Variants in TFPI observed in about 807,000 individuals in gnomAD.
TFPI encodes the protein anti-convertin.
A neutral mutation model predicts 34.6 loss-of-function variants in TFPI; 15 were observed. That is an observed-to-expected ratio of 0.43 (90% CI 0.29 to 0.67). The LOEUF is 0.67. Ranked by LOEUF, TFPI falls within the 30% of genes least tolerant of loss-of-function variation. The probability of loss-of-function intolerance (pLI) is 0.15; values close to 1 mark genes in which losing one functional copy is unlikely to be tolerated. For missense variants in TFPI, 301 were observed against 364.0 expected (o/e 0.83, Z 1.41); for synonymous variants, 105 against 120.1 (o/e 0.87, Z 0.82).
At chr2:187,515,807 C>T (rs1686965676) in intron 1 of TFPI, 1 of 152,122 alleles carries the variant, frequency 6.6e-6, no homozygotes, top group African/African-American at 2.4e-5. Context: ...TAATGCTATT[C>T]TATACAAGGT....
chr2:187,503,871 A>C, intron 1 of TFPI, 101 bp from the exon 2 acceptor site: 1 of 1,257,950 alleles, frequency 7.9e-7, no homozygotes, highest in Non-Finnish European at 1.1e-6. Flanking sequence ...GCAAATTTCT[A>C]TGCCATTTTA....
chr2:187,551,976 G>A (rs1689112825), intron 1 of TFPI, among the ~76,000 whole-genome samples: 1 of 151,978 alleles, frequency 6.6e-6, no homozygotes, highest in African/African-American at 2.4e-5. Context: ...CTTAGATCAT[G>A]TCCACATAGA....
chr2:187,551,938 A>G (rs991107133), intron 1 of TFPI, among the ~76,000 whole-genome samples: 4 of 152,170 alleles, frequency 2.6e-5, no homozygotes, highest in Non-Finnish European at 4.4e-5. Flanking sequence ...CTTTATTGAG[A>G]ATAGATGAGT....
At chr2:187,547,143 G>A (rs1688908980) in intron 1 of TFPI, 1 of 152,090 alleles carries the variant, frequency 6.6e-6, no homozygotes, top group African/African-American at 2.4e-5. Flanking sequence ...ATGGCAAAAG[G>A]AGAGCAAAAT....
intron 3 of TFPI, among the ~76,000 whole-genome samples, chr2:187,490,949 G>T (rs191551623): frequency 2.0e-5 from 3 of 151,482 alleles, no homozygotes; most frequent in African/African-American, 7.3e-5. Context: ...TTACAGTCTA[G>T]TGCCAAGTAA....
At chr2:187,478,715 C>A in intron 6 of TFPI, 1 of 1,613,612 alleles carries the variant, frequency 6.2e-7, no homozygotes, top group South Asian at 1.1e-5. Flanking sequence ...CTAGAAAGAA[C>A]ATGGATGCAT....
chr2:187,507,131 T>C (rs1216085876), intron 1 of TFPI, among the ~76,000 whole-genome samples: 1 of 152,012 alleles, frequency 6.6e-6, no homozygotes, highest in East Asian at 1.9e-4. Context: ...ATTGCTCAAC[T>C]TCCACTTATG....
chr2:187,523,155 A>G (rs1028744947), intron 1 of TFPI, among the ~76,000 whole-genome samples: 1 of 152,092 alleles, frequency 6.6e-6, no homozygotes, highest in Non-Finnish European at 1.5e-5. Flanking sequence ...TTATATCTCA[A>G]TGAAGTTGTT....
At chr2:187,549,556 C>A (rs1689019816) in intron 1 of TFPI, among the ~76,000 whole-genome samples, 1 of 151,972 alleles carries the variant, frequency 6.6e-6, no homozygotes. Flanking sequence ...TCCTGAATAG[C>A]TATTGTTATT....
rs1402302854 is a variant in TFPI at position 187,464,408 on chromosome 2, G to A, written c.*2528C>T. 1 of 152,004 alleles carries A rather than the reference G, an allele frequency of 6.6e-6. No homozygotes were observed. Among genetic ancestry groups the A allele is most frequent in the Non-Finnish European group, 1.5e-5 (1 of 67,992 alleles). 9.4% of individuals were successfully genotyped at this position (152,004 alleles called of 1,614,324 possible). On this transcript the variant is annotated 3_prime_UTR_variant, in exon 8 of 8. Coordinates refer to ENST00000233156, the MANE Select transcript of TFPI (RefSeq NM_006287.6). ...TTCACAGTTAGATGCACTTAATTGTGGAAAATAAAGGAAGACAATAACATC... is the reference window on the plus strand; with the variant it reads ...TTCACAGTTAGATGCACTTAATTGTAGAAAATAAAGGAAGACAATAACATC...
chr2:187,488,939 A>G (rs1291429171), intron 3 of TFPI, among the ~76,000 whole-genome samples: 1 of 151,520 alleles, frequency 6.6e-6, no homozygotes, highest in Non-Finnish European at 1.5e-5. Context: ...ATTTCCCTCT[A>G]AAACTGGAAT....
intron 6 of TFPI, among the ~76,000 whole-genome samples, chr2:187,468,163 A>C (rs1170272218): frequency 6.6e-6 from 1 of 152,044 alleles, no homozygotes; most frequent in African/African-American, 2.4e-5. Flanking sequence ...CTCATTTGCT[A>C]AAGAGAAGTG....
At chr2:187,552,549 C>G (rs1342083899) in intron 1 of TFPI, among the ~76,000 whole-genome samples, 1 of 151,826 alleles carries the variant, frequency 6.6e-6, no homozygotes, top group Non-Finnish European at 1.5e-5. Context: ...ATAATCATTT[C>G]CTTAAATGAT....
At chr2:187,523,489 C>T (rs1403378746) in intron 1 of TFPI, among the ~76,000 whole-genome samples, 2 of 152,106 alleles carry the variant, frequency 1.3e-5, no homozygotes, top group African/African-American at 4.8e-5. Flanking sequence ...CACCCCCAAA[C>T]TCCTTCAGTG....
intron 4 of TFPI, among the ~76,000 whole-genome samples, chr2:187,485,481 G>A (rs775309066): frequency 6.6e-6 from 1 of 151,638 alleles, no homozygotes; most frequent in Non-Finnish European, 1.5e-5. Flanking sequence ...AGTTTTCATG[G>A]CTAGCCTTAG....
At chr2:187,549,128 G>A (rs974034826) in intron 1 of TFPI, among the ~76,000 whole-genome samples, 2 of 152,002 alleles carry the variant, frequency 1.3e-5, no homozygotes, top group Non-Finnish European at 2.9e-5. Flanking sequence ...ATAAGATCTT[G>A]AATAATGTTC....
chr2:187,526,068 G>T (rs1167439026), intron 1 of TFPI, among the ~76,000 whole-genome samples: 1 of 152,090 alleles, frequency 6.6e-6, no homozygotes, highest in Non-Finnish European at 1.5e-5. Context: ...GCTTGATAAT[G>T]TTAGCTATTA....
chr2:187,516,195 C>A (rs982930982), intron 1 of TFPI: 1 of 152,172 alleles, frequency 6.6e-6, no homozygotes, highest in Non-Finnish European at 1.5e-5. Flanking sequence ...TACTTGCTAG[C>A]AGCTGAAGAA....
rs1181034544 is a variant in TFPI, at chr2:187,466,283, G to A, written c.*653C>T. 6.6e-6 allele frequency: 1 copy of A among 151,730 alleles called. No individual in the cohort carries two copies. Among genetic ancestry groups the A allele is most frequent in the Non-Finnish European group, 1.5e-5 (1 of 67,936 alleles). The allele number at this position is 151,730 out of a possible 1,614,324, so 9.4% of individuals were successfully genotyped here. On this transcript the variant is annotated 3_prime_UTR_variant, in exon 8 of 8. Transcript: ENST00000233156. ...CATCTTGACTGATAGAATGGGCTAT[G>A]GTCAAACAAAAAAAAAAGTGAAACC...
Sources: allele counts gnomAD v4.1 joint callset (sites outside exome capture counted in the v4.1 genomes callset), GRCh38; gene constraint gnomAD v4.1.1; transcripts MANE v1.5; gene names NCBI Gene and HGNC (gene_info 2026-07-23, HGNC 2026-07-21).